POLK: variants seen among roughly 807,000 people sequenced by gnomAD.
POLK encodes DNA polymerase kappa, also known as polymerase (DNA directed) kappa.
In POLK, 76 loss-of-function variants were observed where a neutral mutation model predicts 94.0. The ratio of observed to expected loss-of-function variants is 0.81; its 90% CI spans 0.67 to 0.98. The LOEUF (loss-of-function observed/expected upper bound fraction) is 0.98, where lower values mean the gene tolerates loss of function less well. POLK is among the 50% of genes least tolerant of loss of function. The pLI is 0.00. For synonymous variants in POLK, 349 were observed against 325.4 expected (o/e 1.07, Z -0.78); for missense variants, 954 against 1,010.1 (o/e 0.94, Z 0.75).
intron 1 of POLK, among the ~76,000 whole-genome samples, chr5:75,535,975 T>C (rs527796991): frequency 6.6e-6 from 1 of 152,328 alleles, no homozygotes; most frequent in African/African-American, 2.4e-5. Context: ...TTAAGAACCA[T>C]TGCCTGGGAA....
Position 75,597,281 on chromosome 5 carries a change from A to G in POLK, c.2485+103A>G, listed in dbSNP as rs531365310. On this transcript the variant is annotated intron_variant, in intron 13 of 14. Transcript: ENST00000241436. The stretch of plus-strand genomic sequence containing the variant: ...CTGAAACATATACTATTAAATGGGT[A>G]GTTTGTGTATGCCGCCATTTAGGGA... 40 of 690,274 alleles carry G rather than the reference A, an allele frequency of 5.8e-5. No homozygotes were observed. In the East Asian group the frequency reaches 1.0e-3, roughly 17 times the overall value. 42.8% of individuals were successfully genotyped at this position (690,274 alleles called of 1,614,324 possible).
chr5:75,521,980 C>T (rs752336539), intron 1 of POLK, among the ~76,000 whole-genome samples: 7 of 152,320 alleles, frequency 4.6e-5, no homozygotes, highest in Admixed American at 1.3e-4. Flanking sequence ...GTGGTCCTGC[C>T]GAACAAGTAC....
At chr5:75,548,848 G>A (rs922475846) in intron 2 of POLK, among the ~76,000 whole-genome samples, 8 of 151,970 alleles carry the variant, frequency 5.3e-5, no homozygotes, top group Non-Finnish European at 7.4e-5. Flanking sequence ...ATAGGTGTTC[G>A]TTGTACTATT....
chr5:75,584,671 C>CAA (rs35397200), intron 8 of POLK, 89 bp from the exon 9 acceptor site: 1,625 of 630,680 alleles, frequency 2.6e-3, no homozygotes, highest in South Asian at 2.9e-3. Context: ...GACTCCATCT[C>CAA]AAAAAAAAAA....
intron 1 of POLK, among the ~76,000 whole-genome samples, chr5:75,541,828 G>A (rs1769756868): frequency 6.6e-6 from 1 of 152,106 alleles, no homozygotes; most frequent in Non-Finnish European, 1.5e-5. Context: ...GTGGCCATAT[G>A]GTTTCAGTGT....
downstream of POLK, among the ~76,000 whole-genome samples, chr5:75,605,138 C>G (rs1173593840): frequency 6.6e-6 from 1 of 151,706 alleles, no homozygotes; most frequent in Non-Finnish European, 1.5e-5. Flanking sequence ...CACACACACA[C>G]ACACACACAC....
chr5:75,547,024 T>C, exon 2 of POLK: 2 of 1,493,352 alleles, frequency 1.3e-6, no homozygotes, highest in Non-Finnish European at 1.8e-6. Flanking sequence ...GTTTATACCA[T>C]GGATAGCACA....
At chr5:75,560,998 G>A (rs1340607006) in intron 3 of POLK, among the ~76,000 whole-genome samples, 2 of 152,140 alleles carry the variant, frequency 1.3e-5, no homozygotes, top group East Asian at 3.8e-4. Context: ...CTTTATAGTA[G>A]AATGATTTAT....
intron 3 of POLK, among the ~76,000 whole-genome samples, chr5:75,553,390 T>C (rs1167124889): frequency 1.3e-5 from 2 of 152,026 alleles, no homozygotes; most frequent in Non-Finnish European, 2.9e-5. Flanking sequence ...TAATCTAATA[T>C]GCTACAAAAT....
intron 1 of POLK, among the ~76,000 whole-genome samples, chr5:75,527,826 C>T (rs1191574280): frequency 6.6e-6 from 1 of 152,026 alleles, no homozygotes; most frequent in Non-Finnish European, 1.5e-5. Context: ...TTATTAAGAC[C>T]AGTGCCTAAA....
At position 75,597,801 on chromosome 5, in the gene POLK, T is replaced by A. The variant is rs756201702; in HGVS notation, c.2528+12T>A. The A allele has an allele frequency of 6.7e-7, 1 of 1,484,912 alleles. No individual in the cohort carries two copies. The highest frequency in any genetic ancestry group is 9.1e-7 in the Non-Finnish European group (1 of 1,104,630). 92.0% of individuals were successfully genotyped at this position (1,484,912 alleles called of 1,614,324 possible). A position where few individuals can be genotyped will look rare whatever the true frequency, so the allele number is the denominator to read the frequency against. On this transcript the variant is annotated intron_variant, in intron 14 of 14. Coordinates refer to ENST00000241436, the Ensembl canonical transcript of POLK. ...ACAAGAACAAAAAGGTATGGCTAAT[T>A]TGAGCTTTAATAAAGCTGGCTACAA...
intron 8 of POLK, 127 bp from the exon 9 acceptor site, chr5:75,584,633 T>C: frequency 5.1e-6 from 3 of 589,466 alleles, no homozygotes; most frequent in Non-Finnish European, 2.9e-6. Context: ...TTGGCACCAC[T>C]GTACTCCAGC....
At chr5:75,596,416 A>G (rs201860038) in exon 13 of POLK, 44 of 1,613,816 alleles carry the variant, frequency 2.7e-5, no homozygotes, top group Non-Finnish European at 3.6e-5. Flanking sequence ...ACGATCAGAA[A>G]GGAAATGGAG....
intron 3 of POLK, 83 bp from the exon 4 acceptor site, chr5:75,569,257 A>T: frequency 1.1e-6 from 1 of 921,400 alleles, no homozygotes; most frequent in Non-Finnish European, 1.6e-6. Flanking sequence ...ATAGACACTT[A>T]ATAAATTAAG....
intron 10 of POLK, 68 bp from the exon 11 acceptor site, chr5:75,590,276 C>A: frequency 1.3e-6 from 1 of 744,304 alleles, no homozygotes; most frequent in African/African-American, 1.7e-5. Context: ...TATAAACATG[C>A]ATACCATTTC....
intron 1 of POLK, among the ~76,000 whole-genome samples, chr5:75,534,533 C>A (rs997831184): frequency 1.3e-5 from 2 of 152,026 alleles, no homozygotes; most frequent in African/African-American, 4.8e-5. Flanking sequence ...TAGTTTGTTG[C>A]CTCAATGATA....
chr5:75,593,007 G>A (rs1397069631), intron 11 of POLK, among the ~76,000 whole-genome samples: 1 of 152,062 alleles, frequency 6.6e-6, no homozygotes, highest in Non-Finnish European at 1.5e-5. Flanking sequence ...AGTGAGCCAC[G>A]ATCATGCCAC....
chr5:75,511,306 C>A, upstream of POLK: 4 of 1,554,252 alleles, frequency 2.6e-6, no homozygotes, highest in Non-Finnish European at 2.6e-6. Context: ...GATGGCGAAG[C>A]GAAGAGTGCC....
At chr5:75,541,167 C>T (rs548809225) in intron 1 of POLK, among the ~76,000 whole-genome samples, 14 of 151,988 alleles carry the variant, frequency 9.2e-5, no homozygotes, top group African/African-American at 2.9e-4. Flanking sequence ...CCTGTAATCC[C>T]AGCTGCCCAG....
Sources: gnomAD v4.1 joint callset for allele counts (sites outside exome capture counted in the v4.1 genomes callset) on GRCh38, gnomAD v4.1.1 for gene constraint, MANE v1.5 for transcripts, NCBI Gene and HGNC (gene_info 2026-07-23, HGNC 2026-07-21) for gene names.